L3HYPDH: variants seen among roughly 807,000 people sequenced by gnomAD.
L3HYPDH encodes the protein trans-L-3-hydroxyproline dehydratase.
L3HYPDH carries 32 observed loss-of-function variants against 26.5 expected under a neutral mutation model. That is an observed-to-expected ratio of 1.21 (90% CI 0.91 to 1.62). The LOEUF (loss-of-function observed/expected upper bound fraction) is 1.62, where lower values mean the gene tolerates loss of function less well. Among genes scored for constraint, L3HYPDH ranks in the 40% most tolerant of loss-of-function variants. The pLI, the probability that L3HYPDH is intolerant of heterozygous loss-of-function variation, is 0.00. For synonymous variants in L3HYPDH, 215 were observed against 196.6 expected (o/e 1.09, Z -0.78); for missense variants, 554 against 476.4 (o/e 1.16, Z -1.52).
chr14:59,493,179 A>T, the L3HYPDH span, among the ~76,000 whole-genome samples: 1 of 152,196 alleles, frequency 6.6e-6, no homozygotes, highest in South Asian at 2.1e-4. Context: ...TCCCAGAAGG[A>T]AAACACATCC....
upstream of L3HYPDH, among the ~76,000 whole-genome samples, chr14:59,488,870 G>C (rs1254767519): frequency 6.6e-6 from 1 of 152,092 alleles, no homozygotes; most frequent in East Asian, 1.9e-4. Context: ...AGAAAGTTGA[G>C]TACTAAAAAC....
chr14:59,502,924 G>GTGTT, the L3HYPDH span, among the ~76,000 whole-genome samples: 1 of 151,316 alleles, frequency 6.6e-6, no homozygotes, highest in Non-Finnish European at 1.5e-5. Flanking sequence ...GCTAATTTTT[G>GTGTT]TGTTTTTAGT....
At chr14:59,493,970 T>C in the L3HYPDH span, among the ~76,000 whole-genome samples, 16 of 152,164 alleles carry the variant, frequency 1.1e-4, no homozygotes, top group Non-Finnish European at 2.1e-4. Flanking sequence ...GGAGTACCTG[T>C]TCAGTAAAAT....
At chr14:59,490,859 A>G in the L3HYPDH span, among the ~76,000 whole-genome samples, 4 of 152,232 alleles carry the variant, frequency 2.6e-5, no homozygotes, top group Admixed American at 2.6e-4. Context: ...AAGAGCTAAC[A>G]GGCATAGGTA....
chr14:59,502,763 T>TG, the L3HYPDH span, among the ~76,000 whole-genome samples: 5 of 134,122 alleles, frequency 3.7e-5, no homozygotes, highest in African/African-American at 5.7e-5. Context: ...TTTTTTTTTT[T>TG]TTTTTTTTTT....
At chr14:59,501,948 T>A in the L3HYPDH span, among the ~76,000 whole-genome samples, 1 of 152,192 alleles carries the variant, frequency 6.6e-6, no homozygotes, top group Non-Finnish European at 1.5e-5. Flanking sequence ...TTGTAGTCAC[T>A]GGGTAGAATA....
In L3HYPDH at chr14:59,483,908, AGTGGATATT is replaced by A; in HGVS notation, c.400_408del (p.Asn134_His136del). ...AAGGCGGTCACCAGCCCGCAGGGGC[AGTGGATATT>A]GACGCGGGCCTCGCGGGTGCCCGCA... On this transcript the variant is annotated inframe_deletion, in exon 1 of 5. Coordinates refer to ENST00000247194, the MANE Select transcript of L3HYPDH (RefSeq NM_144581.2). 3.8e-6 allele frequency: 6 copies of A among 1,561,852 alleles called. No homozygotes were observed. Among genetic ancestry groups the A allele is most frequent in the Non-Finnish European group, 4.3e-6 (5 of 1,159,896 alleles).
intron 1 of L3HYPDH, 177 bp downstream of exon 1, chr14:59,483,632 C>A: frequency 7.0e-7 from 1 of 1,436,080 alleles, no homozygotes; most frequent in African/African-American, 1.4e-5. Context: ...ATCGAAATTA[C>A]ACGCACCAAA....
the L3HYPDH span, among the ~76,000 whole-genome samples, chr14:59,497,571 C>G: frequency 6.6e-6 from 1 of 152,008 alleles, no homozygotes; most frequent in Non-Finnish European, 1.5e-5. Flanking sequence ...AGGTAGCAAA[C>G]AAGACTAGGA....
At chr14:59,501,208 A>C in the L3HYPDH span, 1 of 1,598,414 alleles carries the variant, frequency 6.3e-7, no homozygotes, top group East Asian at 2.2e-5. Flanking sequence ...CTTCCCATAC[A>C]TTATATTAGT....
chr14:59,492,050 T>C, the L3HYPDH span, among the ~76,000 whole-genome samples: 5 of 152,176 alleles, frequency 3.3e-5, no homozygotes, highest in Admixed American at 6.5e-5. Context: ...CTAGGACTTA[T>C]TGGTACATGC....
upstream of L3HYPDH, among the ~76,000 whole-genome samples, chr14:59,486,460 G>GAT (rs553220050): frequency 9.8e-5 from 15 of 152,298 alleles, 1 homozygote; most frequent in South Asian, 2.9e-3. Flanking sequence ...GAGTCCTGGA[G>GAT]ATAGATCCTG....
Position 59,484,217 on chromosome 14 carries a change from T to C in L3HYPDH, c.100A>G (p.Ile34Val), listed in dbSNP as rs762327980. The C allele has an allele frequency of 3.8e-6, 6 of 1,598,604 alleles. No individual in the cohort carries two copies. Among genetic ancestry groups the C allele is most frequent in the Admixed American group, 3.3e-5 (2 of 59,960 alleles). ...ACCTCCGGACACCCCGCCAGCACGATACGCAAGGGCTCGCCGCCCGTGTGC... is the reference window on the plus strand; with the variant it reads ...ACCTCCGGACACCCCGCCAGCACGACACGCAAGGGCTCGCCGCCCGTGTGC... Reference protein sequence around the residue: ...DMHTGGEPLRIVLAGCPEVSG... With the variant: ...DMHTGGEPLRVVLAGCPEVSG... The change falls in exon 1 of 5, where the codon ATC (isoleucine) becomes GTC (valine). Residue 34 changes from isoleucine to valine, a missense_variant. Coordinates refer to ENST00000247194, the MANE Select transcript of L3HYPDH (RefSeq NM_144581.2).
In L3HYPDH at chr14:59,479,221, C is replaced by A. The variant is rs901556565; in HGVS notation, c.639G>T (p.Val213=). 1 of 1,611,326 alleles carries A rather than the reference C, an allele frequency of 6.2e-7. No individual in the cohort carries two copies. The highest frequency in any genetic ancestry group is 1.7e-5 in the Admixed American group (1 of 59,006). The change falls in exon 2 of 5, where the codon GTG becomes GTT. Residue 213 remains valine (V), a synonymous_variant. Transcript: ENST00000247194. ...CCTCTGTCACTGCACTCGCTGCATC[C>A]ACAAGGTCCCTGGTCTTTGCAGAAC... The part of the protein sequence containing the change: ...DICSAKTRDL[V]DAASAVTEAV...
the L3HYPDH span, among the ~76,000 whole-genome samples, chr14:59,497,568 AAACAAGAC>A: frequency 6.6e-6 from 1 of 152,198 alleles, no homozygotes; most frequent in African/African-American, 2.4e-5. Context: ...AAGAGGTAGC[AAACAAGAC>A]TAGGAAACTA....
chr14:59,484,348 G>A lies in L3HYPDH; in HGVS notation c.-32C>T, dbSNP rs1446791691. 1.5e-5 allele frequency: 23 copies of A among 1,550,402 alleles called. No homozygotes were observed. The highest frequency in any genetic ancestry group is 6.8e-5 in the East Asian group (3 of 44,414). ...CGTCGGGGGAGACGAGTACGGTCCC[G>A]CAGCTATGGCTTCAAGCCCGACCCT... On this transcript the variant is annotated 5_prime_UTR_variant, in exon 1 of 5. Transcript: ENST00000247194.
At position 59,484,292 on chromosome 14, in the gene L3HYPDH, G is replaced by A. The variant is rs11555240; in HGVS notation, c.25C>T (p.Arg9Trp). The A allele has an allele frequency of 2.0e-5, 32 of 1,592,106 alleles. 1 individual carries two copies. In the South Asian group the frequency reaches 3.0e-4, roughly 15 times the overall value. The change falls in exon 1 of 5, where the codon CGG becomes TGG. Residue 9 changes from arginine to tryptophan, a missense_variant. Arg to Trp is a moderately radical substitution (Grantham distance 101, BLOSUM62 -3). Transcript: ENST00000247194. ...GTCCCTGGATCATGCGGGGGCAGCC[G>A]GGGCACCGCCAGCGCGCTCTCCATG... The part of the protein sequence containing the change: MESALAVP[R>W]LPPHDPGTPV...
chr14:59,486,344 AG>A (rs1424878759), upstream of L3HYPDH, among the ~76,000 whole-genome samples: 1 of 152,224 alleles, frequency 6.6e-6, no homozygotes, highest in Non-Finnish European at 1.5e-5. Flanking sequence ...GCAAAATACA[AG>A]GTGGTGACCC....
the L3HYPDH span, chr14:59,504,321 T>A: frequency 2.6e-5 from 12 of 462,190 alleles, no homozygotes; most frequent in African/African-American, 2.2e-4. Context: ...AAGCCCTTGC[T>A]TCTCTCAACA....
Sources: gnomAD v4.1 joint callset for allele counts (sites outside exome capture counted in the v4.1 genomes callset) on GRCh38, gnomAD v4.1.1 for gene constraint, MANE v1.5 for transcripts, NCBI Gene and HGNC (gene_info 2026-07-23, HGNC 2026-07-21) for gene names.